DEPDC5: variants seen among roughly 807,000 people sequenced by gnomAD.
DEPDC5 encodes the protein GATOR1 complex protein DEPDC5.
DEPDC5 carries 73 observed loss-of-function variants against 217.3 expected under a neutral mutation model. That is an observed-to-expected ratio of 0.34 (90% CI 0.28 to 0.41). The LOEUF is 0.41. Ranked by LOEUF, DEPDC5 falls within the 10% of genes least tolerant of loss-of-function variation. The probability of loss-of-function intolerance (pLI) is 1.00; values close to 1 mark genes in which losing one functional copy is unlikely to be tolerated. For missense variants in DEPDC5, 1,675 were observed against 2,070.1 expected, an observed-to-expected ratio of 0.81 and a Z score of 3.70; for synonymous variants, 733 against 756.7, an observed-to-expected ratio of 0.97 and a Z score of 0.51.
intron 7 of DEPDC5, chr22:31,769,623 A>G (rs2083154648): frequency 6.6e-6 from 1 of 152,124 alleles, no homozygotes; most frequent in South Asian, 2.1e-4. Flanking sequence ...AATCCCCTTT[A>G]AATTCAAAAA....
chr22:31,866,845 A>G (rs987735431), intron 33 of DEPDC5, among the ~76,000 whole-genome samples: 2 of 139,786 alleles, frequency 1.4e-5, no homozygotes, highest in African/African-American at 5.4e-5. Flanking sequence ...TGCCCTTCTC[A>G]TCACATCACA....
rs374627897 is a variant in DEPDC5 at position 31,906,186 on chromosome 22, C to T, written c.4520-19C>T. ...GCCCTCCTGGTGGCTGCCACACAGG[C>T]GCTCCCCTTTCTCTTCAGGAACAGT... On this transcript the variant is annotated intron_variant, in intron 42 of 42. Transcript: ENST00000651528. This position sits in a 1 kb window ranked among gnomAD's most constrained non-coding sequence, Gnocchi z 5.1. 1.3e-5 allele frequency: 21 copies of T among 1,612,830 alleles called. No individual in the cohort carries two copies. Among genetic ancestry groups the T allele is most frequent in the African/African-American group, 4.0e-5 (3 of 74,870 alleles).
intron 8 of DEPDC5, among the ~76,000 whole-genome samples, chr22:31,779,787 C>T (rs1281183647): frequency 6.6e-6 from 1 of 152,052 alleles, no homozygotes; most frequent in Non-Finnish European, 1.5e-5. Flanking sequence ...TATTGGCGTC[C>T]TTGTGTCTTA....
At chr22:31,817,919 G>A (rs188828328) in intron 21 of DEPDC5, among the ~76,000 whole-genome samples, 103 of 152,140 alleles carry the variant, frequency 6.8e-4, no homozygotes, top group Middle Eastern at 3.4e-3. Flanking sequence ...AACTTTCACA[G>A]AAATCTGAAC....
chr22:31,850,309 G>T (rs941041642), intron 31 of DEPDC5, among the ~76,000 whole-genome samples: 2 of 152,080 alleles, frequency 1.3e-5, no homozygotes, highest in Admixed American at 1.3e-4. Context: ...TACTCTCAAT[G>T]CTCAATTTCA....
At chr22:31,876,324 C>A in intron 37 of DEPDC5, 59 bp downstream of exon 37, 4 of 1,335,616 alleles carry the variant, frequency 3.0e-6, no homozygotes, top group Non-Finnish European at 4.3e-6. Flanking sequence ...TGGTGACTTG[C>A]TCTTTCACAT....
rs111677630 is a variant in DEPDC5 at position 31,865,493 on chromosome 22, TCAAAA to T, written c.3330+4088_3330+4092del. Among the ~76,000 whole-genome samples, 491 of 151,984 alleles carry T rather than the reference TCAAAA, an allele frequency of 3.2e-3. 5 individuals carry two copies. The highest frequency in any genetic ancestry group is 9.9e-3 in the African/African-American group (409 of 41,418). On this transcript the variant is annotated intron_variant, in intron 33 of 42. Coordinates refer to ENST00000651528, the MANE Select transcript of DEPDC5 (RefSeq NM_001242896.3). ...CCCGGGCGACAGAGCAAGACCTGTC[TCAAAA>T]CAAAACAAAACAAAACAAAACAAAA...
intron 37 of DEPDC5, among the ~76,000 whole-genome samples, chr22:31,877,463 A>C (rs1435484414): frequency 4.0e-4 from 59 of 147,130 alleles, no homozygotes; most frequent in Non-Finnish European, 7.6e-4. Context: ...AAAAAAAAAA[A>C]AAAACAGGCC....
chr22:31,893,441 G>A, intron 38 of DEPDC5, 141 bp from the exon 39 acceptor site: 1 of 745,754 alleles, frequency 1.3e-6, no homozygotes. Context: ...ATATCTAGAT[G>A]ATTTCCAGGA....
chr22:31,762,207 T>C (rs1000879468), intron 4 of DEPDC5, among the ~76,000 whole-genome samples: 1 of 152,146 alleles, frequency 6.6e-6, no homozygotes, highest in Non-Finnish European at 1.5e-5. Flanking sequence ...TGCAAGGTAC[T>C]ATCCTGGGAG....
intron 8 of DEPDC5, among the ~76,000 whole-genome samples, chr22:31,781,130 C>T (rs2084384905): frequency 6.6e-6 from 1 of 151,758 alleles, no homozygotes; most frequent in South Asian, 2.1e-4. Context: ...GCAAGAGAAT[C>T]TCTTGAACCC....
chr22:31,809,999 G>A (rs547442524), intron 19 of DEPDC5, among the ~76,000 whole-genome samples: 1 of 152,046 alleles, frequency 6.6e-6, no homozygotes, highest in East Asian at 1.9e-4. Context: ...AAGAGCATCA[G>A]CTAACCCATG....
chr22:31,777,909 G>A (rs62238899), intron 7 of DEPDC5, 190 bp from the exon 8 acceptor site: 83 of 576,198 alleles, frequency 1.4e-4, no homozygotes, highest in Non-Finnish European at 2.2e-4. Flanking sequence ...CACCATGCCC[G>A]GCTAAATTTT....
At chr22:31,794,558 T>C (rs572528401) in intron 12 of DEPDC5, among the ~76,000 whole-genome samples, 29 of 152,270 alleles carry the variant, frequency 1.9e-4, no homozygotes, top group Non-Finnish European at 3.7e-4. Context: ...ATCTTTTTCT[T>C]ACTGCAAAAA....
intron 4 of DEPDC5, among the ~76,000 whole-genome samples, chr22:31,763,972 C>T (rs918704630): frequency 3.9e-5 from 6 of 152,090 alleles, no homozygotes; most frequent in African/African-American, 1.4e-4. Flanking sequence ...CTCTGTCGCC[C>T]AGGCTGGAGT....
chr22:31,841,566 C>T (rs544288981), intron 27 of DEPDC5, among the ~76,000 whole-genome samples: 3 of 152,312 alleles, frequency 2.0e-5, no homozygotes, highest in Admixed American at 2.0e-4. Context: ...TAAATACCTT[C>T]TAGAAGTGTC....
At chr22:31,770,431 A>T (rs536813844) in intron 7 of DEPDC5, among the ~76,000 whole-genome samples, 4 of 150,206 alleles carry the variant, frequency 2.7e-5, no homozygotes, top group Non-Finnish European at 4.4e-5. Context: ...CCCAGGCTGG[A>T]GTGCAGTGGT....
intron 14 of DEPDC5, among the ~76,000 whole-genome samples, chr22:31,799,265 G>A (rs895311185): frequency 1.3e-5 from 2 of 151,308 alleles, no homozygotes; most frequent in Admixed American, 6.6e-5. Flanking sequence ...GCATGGTCTC[G>A]ATCTCCTGAC....
intron 38 of DEPDC5, among the ~76,000 whole-genome samples, chr22:31,884,895 TC>T (rs1441292690): frequency 1.3e-5 from 2 of 152,232 alleles, no homozygotes; most frequent in East Asian, 3.8e-4. Flanking sequence ...CCTTCTCATG[TC>T]TTTCTTTCCT....
Sources: allele counts gnomAD v4.1 joint callset (sites outside exome capture counted in the v4.1 genomes callset), GRCh38; gene constraint gnomAD v4.1.1; non-coding constraint Gnocchi (gnomAD v3.1); transcripts MANE v1.5; gene names NCBI Gene and HGNC (gene_info 2026-07-23, HGNC 2026-07-21).